The following PTGER3 variants were observed in gnomAD, a reference collection of about 807,000 sequenced individuals.
PTGER3 encodes prostaglandin E2 receptor EP3 subtype.
PTGER3 carries 22 observed loss-of-function variants against 34.7 expected under a neutral mutation model. The ratio of observed to expected loss-of-function variants is 0.63; its 90% CI spans 0.45 to 0.91. PTGER3 has a LOEUF of 0.91. PTGER3 is among the 40% of genes least tolerant of loss of function. PTGER3 has a pLI of 0.00. For synonymous variants in PTGER3, 241 were observed against 230.1 expected (o/e 1.05, Z -0.43); for missense variants, 468 against 519.4 (o/e 0.90, Z 0.96).
chr1:70,918,670 C>T (rs757775775), intron 4 of PTGER3, among the ~76,000 whole-genome samples: 1 of 152,000 alleles, frequency 6.6e-6, no homozygotes, highest in African/African-American at 2.4e-5. Flanking sequence ...CTGGGCCTTA[C>T]TCTCCTCACC....
intron 4 of PTGER3, among the ~76,000 whole-genome samples, chr1:70,872,774 G>T (rs547028287): frequency 7.2e-5 from 11 of 152,214 alleles, no homozygotes; most frequent in African/African-American, 2.6e-4. Flanking sequence ...GTCACTACTG[G>T]GACTTGCCAC....
intron 1 of PTGER3, among the ~76,000 whole-genome samples, chr1:71,013,599 G>T (rs1242545756): frequency 6.6e-6 from 1 of 151,836 alleles, no homozygotes; most frequent in Non-Finnish European, 1.5e-5. Context: ...CTACTCAGGA[G>T]GCTGAGGCAG....
intron 4 of PTGER3, among the ~76,000 whole-genome samples, chr1:70,897,550 G>C (rs931429639): frequency 1.3e-5 from 2 of 152,086 alleles, no homozygotes; most frequent in Non-Finnish European, 2.9e-5. Context: ...CGTGTCTGCT[G>C]TTTCCATTCT....
At chr1:70,911,710 G>A (rs915708198) in intron 4 of PTGER3, among the ~76,000 whole-genome samples, 1 of 152,108 alleles carries the variant, frequency 6.6e-6, no homozygotes, top group Admixed American at 6.6e-5. Flanking sequence ...TAAAAGCTTA[G>A]ACAAGGTTAG....
chr1:70,950,337 C>A (rs1205446739), downstream of PTGER3, among the ~76,000 whole-genome samples: 1 of 152,084 alleles, frequency 6.6e-6, no homozygotes, highest in Non-Finnish European at 1.5e-5. Context: ...TAAATTTTTG[C>A]CAGAACTATG....
chr1:71,046,702 C>T lies in PTGER3; in HGVS notation c.876G>A (p.Ser292=), dbSNP rs1336472238. 6.4e-7 allele frequency: 1 copy of T among 1,574,278 alleles called. No homozygotes were observed. Among genetic ancestry groups the T allele is most frequent in the Admixed American group, 1.8e-5 (1 of 55,156 alleles). ...CTACCAGGAGCGGAGACCAGCAGAC[C>T]GACAGCACGCACATGATCCCCATAA... The part of the protein sequence containing the change: ...IQLMGIMCVL[S]VCWSPLLIMM... The change falls in exon 1 of 4, where the codon TCG becomes TCA. Residue 292 remains serine (S), a synonymous_variant. Transcript: ENST00000306666.
intron 2 of PTGER3, chr1:71,010,484 G>A (rs973797202): frequency 2.0e-6 from 2 of 983,522 alleles, no homozygotes; most frequent in Non-Finnish European, 2.4e-6. Context: ...ATGCTGGAAG[G>A]AATAACCTAA....
intron 3 of PTGER3, chr1:70,953,687 A>C: frequency 2.0e-6 from 3 of 1,528,360 alleles, no homozygotes; most frequent in Non-Finnish European, 1.8e-6. Flanking sequence ...GAAATATGAC[A>C]AACAGTACAG....
chr1:70,926,563 G>A (rs1047694385), intron 4 of PTGER3, among the ~76,000 whole-genome samples: 3 of 152,310 alleles, frequency 2.0e-5, no homozygotes, highest in East Asian at 1.9e-4. Context: ...TTGCTTATCA[G>A]CTTAAGGAGA....
At chr1:70,969,535 T>C (rs1401647034), downstream of PTGER3, among the ~76,000 whole-genome samples, 1 of 152,128 alleles carries the variant, frequency 6.6e-6, no homozygotes, top group African/African-American at 2.4e-5. Context: ...AATGAAAATA[T>C]TCAAGGAATA....
intron 4 of PTGER3, chr1:70,862,499 C>G: frequency 1.0e-5 from 7 of 688,952 alleles, no homozygotes; most frequent in Non-Finnish European, 1.7e-5. Context: ...TAATGGTGAA[C>G]TATAGGGAAT....
chr1:70,975,040 C>G (rs1284102911), intron 2 of PTGER3, among the ~76,000 whole-genome samples: 2 of 152,164 alleles, frequency 1.3e-5, no homozygotes, highest in Non-Finnish European at 2.9e-5. Context: ...TTCACTAGGA[C>G]TGGTGCCTCA....
Position 70,970,907 on chromosome 1 carries a change from G to T in PTGER3, c.*823C>A. 2.0e-6 allele frequency: 2 copies of T among 985,160 alleles called. No individual in the cohort carries two copies. The highest frequency in any genetic ancestry group is 1.7e-5 in the African/African-American group (1 of 57,292). 61.0% of individuals were successfully genotyped at this position (985,160 alleles called of 1,614,324 possible). Reference sequence around the variant, plus strand: ...TATTAATTTTGCCTTTGTATATGCTGCCAGAAAAGAAATATTAAGAAATCC... The same window carrying T: ...TATTAATTTTGCCTTTGTATATGCTTCCAGAAAAGAAATATTAAGAAATCC... On this transcript the variant is annotated 3_prime_UTR_variant, in exon 4 of 4. Coordinates refer to ENST00000306666, the MANE Select transcript of PTGER3 (RefSeq NM_198719.2).
chr1:71,006,986 A>AT (rs1165829571), intron 2 of PTGER3: 2 of 985,694 alleles, frequency 2.0e-6, no homozygotes, highest in East Asian at 2.3e-4. Flanking sequence ...ACGCTCTTTT[A>AT]TTTTTTGTCT....
At chr1:70,885,037 T>G (rs757016469) in intron 4 of PTGER3, among the ~76,000 whole-genome samples, 7 of 152,222 alleles carry the variant, frequency 4.6e-5, no homozygotes, top group Non-Finnish European at 1.0e-4. Flanking sequence ...TTTGTCTAAC[T>G]ATTCCAAGAT....
chr1:70,944,909 T>A (rs1455138374), intron 4 of PTGER3, among the ~76,000 whole-genome samples: 1 of 152,232 alleles, frequency 6.6e-6, no homozygotes, highest in East Asian at 1.9e-4. Flanking sequence ...AAAGGCCAAA[T>A]CATAAGTAGA....
chr1:70,892,424 G>C (rs554336282), intron 4 of PTGER3, among the ~76,000 whole-genome samples: 85 of 152,222 alleles, frequency 5.6e-4, no homozygotes, highest in Non-Finnish European at 1.0e-3. Context: ...GGTATGACTA[G>C]TGTCAAATGA....
intron 2 of PTGER3, among the ~76,000 whole-genome samples, chr1:70,962,497 G>A (rs1233730711): frequency 2.6e-5 from 4 of 152,036 alleles, no homozygotes; most frequent in South Asian, 2.1e-4. Flanking sequence ...AAAAAAAGAC[G>A]TTCAATTGAC....
At chr1:70,944,874 G>C (rs1650079193) in intron 4 of PTGER3, among the ~76,000 whole-genome samples, 1 of 152,056 alleles carries the variant, frequency 6.6e-6, no homozygotes, top group Non-Finnish European at 1.5e-5. Context: ...CTTGTCACCA[G>C]AGCCAATCAG....
Sources: gnomAD v4.1 joint callset for allele counts (sites outside exome capture counted in the v4.1 genomes callset) on GRCh38, gnomAD v4.1.1 for gene constraint, MANE v1.5 for transcripts, NCBI Gene and HGNC (gene_info 2026-07-23, HGNC 2026-07-21) for gene names.